Variants in OPCML observed in about 807,000 individuals in gnomAD.
OPCML encodes the protein opioid binding protein/cell adhesion molecule like.
OPCML carries 13 observed loss-of-function variants against 37.8 expected under a neutral mutation model. The observed-to-expected ratio is 0.34, with a 90% confidence interval of 0.22 to 0.55. The LOEUF (loss-of-function observed/expected upper bound fraction) is 0.55. Ranked by LOEUF, OPCML falls within the 20% of genes least tolerant of loss-of-function variation. The pLI is 0.91. For missense variants in OPCML, 341 were observed against 435.6 expected (o/e 0.78, Z 1.93); for synonymous variants, 176 against 168.8 (o/e 1.04, Z -0.33).
At chr11:132,816,309 G>T (rs926199035) in intron 2 of OPCML, among the ~76,000 whole-genome samples, 43 of 152,050 alleles carry the variant, frequency 2.8e-4, no homozygotes, top group African/African-American at 1.0e-3. Context: ...GCTTTGAGGG[G>T]CATATGGTCT....
chr11:133,350,207 C>T (rs748206149), intron 1 of OPCML, among the ~76,000 whole-genome samples: 52 of 152,196 alleles, frequency 3.4e-4, no homozygotes, highest in Non-Finnish European at 5.9e-4. Context: ...TAAATGTCTT[C>T]GAAATCAAAA....
At chr11:133,477,878 A>T (rs1041382420) in intron 1 of OPCML, among the ~76,000 whole-genome samples, 3 of 152,214 alleles carry the variant, frequency 2.0e-5, no homozygotes, top group Non-Finnish European at 4.4e-5. Flanking sequence ...AGGGGTAACC[A>T]AAGACGAGAT....
chr11:132,647,712 G>T (rs1197277108), intron 3 of OPCML, among the ~76,000 whole-genome samples: 1 of 152,152 alleles, frequency 6.6e-6, no homozygotes, highest in Admixed American at 6.5e-5. Context: ...GGTAGGTCTT[G>T]CGGTCTCAGG....
intron 1 of OPCML, among the ~76,000 whole-genome samples, chr11:133,247,386 TA>T (rs1394523466): frequency 6.6e-6 from 1 of 152,198 alleles, no homozygotes; most frequent in Non-Finnish European, 1.5e-5. Flanking sequence ...TTAAAATATT[TA>T]GCAAAGATAC....
At chr11:132,668,308 G>C (rs577878778) in intron 2 of OPCML, among the ~76,000 whole-genome samples, 7 of 152,140 alleles carry the variant, frequency 4.6e-5, no homozygotes, top group Non-Finnish European at 1.0e-4. Context: ...TGTATAAATC[G>C]AGCATTATAG....
intron 1 of OPCML, among the ~76,000 whole-genome samples, chr11:133,219,027 T>C (rs1939704034): frequency 6.6e-6 from 1 of 152,260 alleles, no homozygotes; most frequent in Non-Finnish European, 1.5e-5. Context: ...GATTAAGGTG[T>C]GCTCTATATT....
At chr11:132,856,102 C>T (rs767263559) in intron 2 of OPCML, among the ~76,000 whole-genome samples, 1 of 152,148 alleles carries the variant, frequency 6.6e-6, no homozygotes, top group Non-Finnish European at 1.5e-5. Context: ...CAGTTAATCT[C>T]TTTGAGCTAA....
intron 1 of OPCML, among the ~76,000 whole-genome samples, chr11:133,264,629 C>T (rs1941598546): frequency 6.6e-6 from 1 of 152,162 alleles, no homozygotes; most frequent in Non-Finnish European, 1.5e-5. Context: ...AATCAGAGCA[C>T]ATATGGCAAT....
intron 3 of OPCML, among the ~76,000 whole-genome samples, chr11:132,633,995 C>A (rs74887064): frequency 6.6e-6 from 1 of 152,170 alleles, no homozygotes; most frequent in African/African-American, 2.4e-5. Flanking sequence ...TGGACCATCA[C>A]AGTCAAAAGA....
chr11:132,660,148 CTTTT>C (rs897716750), intron 2 of OPCML, among the ~76,000 whole-genome samples: 1 of 152,080 alleles, frequency 6.6e-6, no homozygotes, highest in Non-Finnish European at 1.5e-5. Flanking sequence ...GGATAGGCCC[CTTTT>C]TTTAAATGCC....
chr11:132,467,289 G>C (rs973998224), intron 4 of OPCML, among the ~76,000 whole-genome samples: 1 of 152,222 alleles, frequency 6.6e-6, no homozygotes, highest in African/African-American at 2.4e-5. Context: ...ACAAAGGAAA[G>C]CAAGAGTTCC....
chr11:132,905,107 G>C (rs1465173118), intron 2 of OPCML, among the ~76,000 whole-genome samples: 1 of 152,028 alleles, frequency 6.6e-6, no homozygotes, highest in Non-Finnish European at 1.5e-5. Context: ...CAACACTACT[G>C]TGGAGGTACT....
intron 1 of OPCML, chr11:133,005,364 G>A: frequency 1.0e-6 from 1 of 985,384 alleles, no homozygotes; most frequent in Non-Finnish European, 1.2e-6. Context: ...GACACATACA[G>A]CAAATGCCGT....
At chr11:132,454,022 A>G (rs946131432) in intron 4 of OPCML, among the ~76,000 whole-genome samples, 8 of 152,242 alleles carry the variant, frequency 5.3e-5, no homozygotes, top group African/African-American at 1.9e-4. Context: ...CCTTCTCAAC[A>G]TAGTTTGTCA....
At chr11:133,150,489 A>G (rs1254464942) in intron 1 of OPCML, among the ~76,000 whole-genome samples, 2 of 152,154 alleles carry the variant, frequency 1.3e-5, no homozygotes, top group Non-Finnish European at 2.9e-5. Context: ...AGCTGCAGGA[A>G]TTTGAGCCCA....
chr11:133,317,485 CA>C (rs1397621036), intron 1 of OPCML, among the ~76,000 whole-genome samples: 1 of 152,154 alleles, frequency 6.6e-6, no homozygotes, highest in Admixed American at 6.5e-5. Flanking sequence ...TCATTCAAAG[CA>C]AAACATTGTC....
intron 3 of OPCML, among the ~76,000 whole-genome samples, chr11:132,621,249 TTC>T (rs1159165753): frequency 1.3e-5 from 2 of 152,216 alleles, no homozygotes; most frequent in African/African-American, 2.4e-5. Flanking sequence ...GTCTGGTAAT[TTC>T]TATTAAATCT....
At chr11:133,132,345 A>G (rs1457345495) in intron 1 of OPCML, among the ~76,000 whole-genome samples, 1 of 152,182 alleles carries the variant, frequency 6.6e-6, no homozygotes, top group African/African-American at 2.4e-5. Context: ...CTACAACACT[A>G]TTCAAACAGC....
chr11:132,850,076 T>A (rs1941734801), intron 2 of OPCML, among the ~76,000 whole-genome samples: 1 of 152,092 alleles, frequency 6.6e-6, no homozygotes, highest in Non-Finnish European at 1.5e-5. Context: ...AACTAGAAAG[T>A]TTATAGTGAA....
Sources: gnomAD v4.1 joint callset for allele counts (sites outside exome capture counted in the v4.1 genomes callset) on GRCh38, gnomAD v4.1.1 for gene constraint, MANE v1.5 for transcripts, NCBI Gene and HGNC (gene_info 2026-07-23, HGNC 2026-07-21) for gene names.